DYNC2H1: variants seen among roughly 807,000 people sequenced by gnomAD.
DYNC2H1 encodes dynein cytoplasmic 2 heavy chain 1.
Under a neutral mutation model 570.0 loss-of-function variants are expected in DYNC2H1, and 410 were observed. The observed-to-expected ratio is 0.72, with a 90% CI of 0.66 to 0.78. DYNC2H1 has a LOEUF of 0.78. Ranked by LOEUF, DYNC2H1 falls within the 30% of genes least tolerant of loss-of-function variation. The probability of loss-of-function intolerance (pLI) is 0.00; values close to 1 mark genes in which losing one functional copy is unlikely to be tolerated. For missense variants in DYNC2H1, 4,865 were observed against 5,046.4 expected, an observed-to-expected ratio of 0.96 and a Z score of 1.09; for synonymous variants, 1,688 against 1,677.6, an observed-to-expected ratio of 1.01 and a Z score of -0.15.
chr11:103,138,381 T>C (rs1359237241), intron 17 of DYNC2H1, among the ~76,000 whole-genome samples: 1 of 152,166 alleles, frequency 6.6e-6, no homozygotes, highest in Non-Finnish European at 1.5e-5. Flanking sequence ...AGATAGCTCT[T>C]ATTATTTTGA....
intron 88 of DYNC2H1, among the ~76,000 whole-genome samples, chr11:103,477,069 T>A (rs761223012): frequency 3.3e-5 from 5 of 152,054 alleles, no homozygotes; most frequent in Non-Finnish European, 7.4e-5. Flanking sequence ...AAGTGTCATT[T>A]GTCTTTCTAT....
rs72175476 is a variant in DYNC2H1, at chr11:103,154,342, AGT to A, written c.3303-100_3303-99del. 0.34 allele frequency: 284,614 copies of A among 832,664 alleles called. 52,072 individuals are homozygous for A. Among genetic ancestry groups the A allele is most frequent in the Admixed American group, 0.48 (12,647 of 26,308 alleles). 51.6% of individuals were successfully genotyped at this position (832,664 alleles called of 1,614,324 possible). A position where few individuals can be genotyped will look rare whatever the true frequency, so the allele number is the denominator to read the frequency against. On this transcript the variant is annotated intron_variant, in intron 22 of 88. Coordinates refer to ENST00000375735, the MANE Select transcript of DYNC2H1 (RefSeq NM_001377.3). ...ATTGTATATCTATTAAACATACACA[AGT>A]GTGTGTGTACACACATACAAGGATT... is the stretch of plus-strand genomic sequence containing the variant.
chr11:103,398,223 T>C lies in DYNC2H1; in HGVS notation c.12157-1440T>C, dbSNP rs190179899. On this transcript the variant is annotated intron_variant, in intron 83 of 88. Transcript: ENST00000375735. Reference sequence around the variant, plus strand: ...TTTGAATTTTATTACTTAGTTGATTTAGGATGGAGATGTGCTAAATATTAT... The same window carrying C: ...TTTGAATTTTATTACTTAGTTGATTCAGGATGGAGATGTGCTAAATATTAT... Among the ~76,000 whole-genome samples the C allele has an allele frequency of 2.0e-5, 3 of 152,342 alleles. No homozygotes were observed. In the East Asian group the frequency reaches 5.8e-4, roughly 29 times the overall value.
intron 59 of DYNC2H1, 118 bp from the exon 60 acceptor site, chr11:103,231,142 A>G: frequency 1.9e-6 from 1 of 533,704 alleles, no homozygotes; most frequent in Non-Finnish European, 3.2e-6. Flanking sequence ...TAAAGGTGTT[A>G]TAATACTGAG....
chr11:103,420,103 A>C (rs1442532903), intron 84 of DYNC2H1, among the ~76,000 whole-genome samples: 1 of 152,076 alleles, frequency 6.6e-6, no homozygotes, highest in Non-Finnish European at 1.5e-5. Context: ...AATGGAAAGG[A>C]ATGAATAAAA....
intron 1 of DYNC2H1, among the ~76,000 whole-genome samples, chr11:103,111,645 G>A (rs1858120946): frequency 6.6e-6 from 1 of 152,120 alleles, no homozygotes; most frequent in South Asian, 2.1e-4. Flanking sequence ...GTTTGGATTC[G>A]TGAAAGTGTA....
rs7118634 is a variant in DYNC2H1 at position 103,456,057 on chromosome 11, C to T, written c.12567-218C>T. ...ATTTAAAAATGAAAAAAAGAAAGGC[C>T]TTATCCTTAAGGAACTTACAGCATC... is the stretch of plus-strand genomic sequence containing the variant. On this transcript the variant is annotated intron_variant, in intron 86 of 88. Transcript: ENST00000375735. 0.24 allele frequency among the ~76,000 whole-genome samples: 36,539 copies of T among 151,894 alleles called. 4,596 individuals carry two copies. Among genetic ancestry groups the T allele is most frequent in the Admixed American group, 0.33 (4,987 of 15,252 alleles).
At chr11:103,437,761 G>A (rs1420539972) in intron 85 of DYNC2H1, among the ~76,000 whole-genome samples, 1 of 152,022 alleles carries the variant, frequency 6.6e-6, no homozygotes, top group Admixed American at 6.6e-5. Context: ...TTTCAGTACT[G>A]TTTCCTTTAA....
chr11:103,257,832 A>G, intron 69 of DYNC2H1, 81 bp downstream of exon 69: 1 of 1,249,144 alleles, frequency 8.0e-7, no homozygotes, highest in East Asian at 3.0e-5. Flanking sequence ...TATAATAAAA[A>G]TTATTAAGCA....
intron 36 of DYNC2H1, among the ~76,000 whole-genome samples, chr11:103,175,327 G>C (rs142078354): frequency 6.6e-6 from 1 of 152,146 alleles, no homozygotes; most frequent in Admixed American, 6.6e-5. Context: ...TTAGGTTGGC[G>C]TATGCCTGGG....
intron 88 of DYNC2H1, among the ~76,000 whole-genome samples, chr11:103,473,485 A>G (rs1326280114): frequency 1.3e-5 from 2 of 152,132 alleles, no homozygotes; most frequent in Non-Finnish European, 2.9e-5. Flanking sequence ...GCATTTCTTA[A>G]CATGTTTCTA....
At chr11:103,355,608 A>G (rs1352110307) in intron 82 of DYNC2H1, among the ~76,000 whole-genome samples, 1 of 152,210 alleles carries the variant, frequency 6.6e-6, no homozygotes, top group Non-Finnish European at 1.5e-5. Context: ...TGCTCAGGAA[A>G]CATAGGTGTT....
intron 29 of DYNC2H1, among the ~76,000 whole-genome samples, chr11:103,162,735 A>G (rs993761770): frequency 2.6e-5 from 4 of 152,162 alleles, no homozygotes; most frequent in Non-Finnish European, 4.4e-5. Flanking sequence ...ATTGGCTTGT[A>G]TAGATATAGT....
intron 53 of DYNC2H1, 52 bp downstream of exon 53, chr11:103,210,012 G>C (rs962331868): frequency 1.9e-5 from 26 of 1,390,668 alleles, no homozygotes; most frequent in Non-Finnish European, 4.7e-6. Flanking sequence ...TGAAATAATT[G>C]CCGTTTTTAA....
At position 103,159,038 on chromosome 11, in the gene DYNC2H1, A is replaced by G. The variant is rs375337802; in HGVS notation, c.4378+11A>G. ...AGAAGCTTTTTGCTGGTAGGATTCA[A>G]CATTTATTTAACAGATATTTATTGA... On this transcript the variant is annotated intron_variant, in intron 28 of 88. Transcript: ENST00000375735. 4.5e-5 allele frequency: 72 copies of G among 1,592,560 alleles called. No individual in the cohort carries two copies. In the East Asian group the frequency reaches 6.5e-4, roughly 14 times the overall value.
chr11:103,226,704 A>ATT, intron 59 of DYNC2H1, among the ~76,000 whole-genome samples: 1 of 152,228 alleles, frequency 6.6e-6, no homozygotes, highest in South Asian at 2.1e-4. Flanking sequence ...TGGTTTTGAT[A>ATT]TTAGGGTGAT....
intron 77 of DYNC2H1, among the ~76,000 whole-genome samples, chr11:103,306,778 C>A (rs926741674): frequency 2.6e-5 from 4 of 152,044 alleles, no homozygotes; most frequent in African/African-American, 9.7e-5. Context: ...ATCAAAACTT[C>A]TTCTGTCATT....
At position 103,266,324 on chromosome 11, in the gene DYNC2H1, T is replaced by G. The variant is rs145839942; in HGVS notation, c.10695+6347T>G. Among the ~76,000 whole-genome samples the G allele has an allele frequency of 1.9e-3, 296 of 152,158 alleles. 1 individual carries two copies. In the Middle Eastern group the frequency reaches 0.02, roughly 10 times the overall value. On this transcript the variant is annotated intron_variant, in intron 70 of 88. Transcript: ENST00000375735. ...GGCATGTGGGGCCCCTGCAGATGAC[T>G]GTGTGCATGATCACACTGCAGGTGG...
In DYNC2H1 at chr11:103,233,830, ATGTGTG is replaced by A. The variant is rs745355739; in HGVS notation, c.9441-161_9441-156del. Among the ~76,000 whole-genome samples, 1,877 of 75,810 alleles carry A rather than the reference ATGTGTG, an allele frequency of 0.025. 42 individuals are homozygous for A. Among genetic ancestry groups the A allele is most frequent in the African/African-American group, 0.066 (1,652 of 24,986 alleles). The allele number at this position is 75,810 out of a possible 152,430, so 49.7% of individuals were successfully genotyped here. On this transcript the variant is annotated intron_variant, in intron 60 of 88. Transcript: ENST00000375735. ...TTTGAGGTAGAGAATGCTACACTTT[ATGTGTG>A]TGTGTGTGTGTGTGTGTGTGTGTGT...
Sources: gnomAD v4.1 joint callset for allele counts (sites outside exome capture counted in the v4.1 genomes callset) on GRCh38, gnomAD v4.1.1 for gene constraint, MANE v1.5 for transcripts, NCBI Gene and HGNC (gene_info 2026-07-23, HGNC 2026-07-21) for gene names.